Variants in ABCA12 observed in about 807,000 individuals in gnomAD.
The protein encoded by ABCA12 is ATP binding cassette subfamily A member 12.
A neutral mutation model predicts 293.5 loss-of-function variants in ABCA12; 156 were observed. That is an observed-to-expected ratio of 0.53 (90% CI 0.47 to 0.61). The LOEUF (loss-of-function observed/expected upper bound fraction) is 0.61, where lower values mean the gene tolerates loss of function less well. Among genes scored for constraint, ABCA12 ranks in the 20% least tolerant of loss-of-function variants. The pLI, the probability that ABCA12 is intolerant of heterozygous loss-of-function variation, is 0.00. For synonymous variants in ABCA12, 1,063 were observed against 1,108.0 expected (o/e 0.96, Z 0.81); for missense variants, 2,797 against 3,090.2 (o/e 0.91, Z 2.25).
intron 2 of ABCA12, among the ~76,000 whole-genome samples, chr2:215,108,595 A>G (rs908729800): frequency 6.6e-5 from 10 of 152,196 alleles, no homozygotes; most frequent in Non-Finnish European, 1.0e-4. Flanking sequence ...ACCTTACTAA[A>G]TATCTGGTAC....
intron 1 of ABCA12, among the ~76,000 whole-genome samples, chr2:215,135,087 C>T (rs1703195431): frequency 1.3e-5 from 2 of 152,138 alleles, no homozygotes; most frequent in Admixed American, 6.5e-5. Flanking sequence ...CTCAGCCTCC[C>T]AAGTAGCTGG....
At chr2:215,116,229 C>T (rs1161094089) in intron 1 of ABCA12, among the ~76,000 whole-genome samples, 1 of 151,972 alleles carries the variant, frequency 6.6e-6, no homozygotes, top group South Asian at 2.1e-4. Context: ...CATTGTGTAC[C>T]TTCTTTGTCC....
chr2:215,098,920 G>C (rs1362149645), intron 2 of ABCA12, among the ~76,000 whole-genome samples: 1 of 152,214 alleles, frequency 6.6e-6, no homozygotes, highest in Non-Finnish European at 1.5e-5. Context: ...GCTGAATATC[G>C]TAAGCACGTT....
intron 9 of ABCA12, among the ~76,000 whole-genome samples, chr2:215,028,549 T>A (rs1357673777): frequency 6.6e-6 from 1 of 152,226 alleles, no homozygotes; most frequent in Non-Finnish European, 1.5e-5. Flanking sequence ...TCATTATTTA[T>A]CAAAGCCTCC....
At chr2:215,056,759 C>A (rs1230167236) in intron 3 of ABCA12, among the ~76,000 whole-genome samples, 1 of 151,996 alleles carries the variant, frequency 6.6e-6, no homozygotes, top group Non-Finnish European at 1.5e-5. Flanking sequence ...CAGCTACTTT[C>A]CCCCCAAACA....
chr2:215,119,827 A>T (rs1702767114), intron 1 of ABCA12, among the ~76,000 whole-genome samples: 1 of 151,990 alleles, frequency 6.6e-6, no homozygotes, highest in Admixed American at 6.6e-5. Context: ...TGTTGATGGG[A>T]GTATAAGTTA....
At chr2:214,969,146 C>A (rs1699331690) in intron 37 of ABCA12, among the ~76,000 whole-genome samples, 1 of 151,824 alleles carries the variant, frequency 6.6e-6, no homozygotes. Flanking sequence ...CTCAAATATT[C>A]CTTTTAGGTA....
intron 2 of ABCA12, among the ~76,000 whole-genome samples, chr2:215,078,116 G>A (rs941777672): frequency 6.6e-6 from 1 of 152,100 alleles, no homozygotes; most frequent in Non-Finnish European, 1.5e-5. Flanking sequence ...CTCTCTTCTC[G>A]CATTTTTAAA....
intron 51 of ABCA12, among the ~76,000 whole-genome samples, chr2:214,935,071 T>A (rs1698176889): frequency 6.6e-6 from 1 of 152,158 alleles, no homozygotes; most frequent in East Asian, 1.9e-4. Flanking sequence ...CGCCAGTGCA[T>A]CAGATCATGA....
At chr2:215,031,796 T>C (rs770654340) in intron 9 of ABCA12, 25 bp downstream of exon 9, 1 of 1,613,586 alleles carries the variant, frequency 6.2e-7, no homozygotes, top group Admixed American at 1.7e-5. Context: ...GTTATCTACC[T>C]ATTTAGAAAT....
chr2:215,001,158 C>A, intron 21 of ABCA12, 138 bp from the exon 22 acceptor site: 1 of 864,670 alleles, frequency 1.2e-6, no homozygotes, highest in South Asian at 1.7e-5. Flanking sequence ...TCTTAATTTA[C>A]AGAAAACATG....
intron 2 of ABCA12, among the ~76,000 whole-genome samples, chr2:215,107,777 C>T (rs1702492767): frequency 6.6e-6 from 1 of 152,184 alleles, no homozygotes; most frequent in South Asian, 2.1e-4. Context: ...GCAGAATGTA[C>T]CCACAGTATT....
intron 32 of ABCA12, 131 bp downstream of exon 32, chr2:214,978,673 T>A: frequency 8.6e-7 from 1 of 1,158,130 alleles, no homozygotes; most frequent in Non-Finnish European, 1.3e-6. Context: ...AGAATAGTAC[T>A]GAAAAAATGT....
chr2:215,071,990 G>C (rs967804383), intron 2 of ABCA12, among the ~76,000 whole-genome samples: 3 of 152,164 alleles, frequency 2.0e-5, no homozygotes, highest in African/African-American at 7.2e-5. Context: ...TTCTCCCCAG[G>C]CAAGTCTTAC....
intron 1 of ABCA12, among the ~76,000 whole-genome samples, chr2:215,132,133 T>A (rs6735573): frequency 0.082 from 12,450 of 152,104 alleles, 1,176 homozygotes; most frequent in African/African-American, 0.23. Flanking sequence ...TTTGAATTTA[T>A]TGAGACTTCC....
chr2:215,130,440 C>T (rs564856519), intron 1 of ABCA12, among the ~76,000 whole-genome samples: 33 of 152,118 alleles, frequency 2.2e-4, no homozygotes, highest in African/African-American at 7.5e-4. Flanking sequence ...TTGTAGAGAT[C>T]TTTCACCTCC....
chr2:214,974,605 A>G (rs1699467379), intron 35 of ABCA12, among the ~76,000 whole-genome samples, 173 bp downstream of exon 35: 1 of 152,230 alleles, frequency 6.6e-6, no homozygotes, highest in African/African-American at 2.4e-5. Context: ...TTGGTATAGC[A>G]TAGGATAACT....
At chr2:215,015,168 AT>A (rs78457175) in intron 15 of ABCA12, among the ~76,000 whole-genome samples, 119,192 of 151,524 alleles carry the variant, frequency 0.79, 51,137 homozygotes, top group East Asian at 1. Flanking sequence ...TGTTAAAAAA[AT>A]AATAATTGCA....
rs1698859849 is a variant in ABCA12 at position 214,953,957 on chromosome 2, C to T, written c.6544G>A (p.Glu2182Lys). Residue 2182 changes from glutamate (E) to lysine (K), a missense_variant, in exon 44 of 53, where the codon GAG (glutamate) becomes AAG (lysine). By Grantham distance (56) the Glu-to-Lys change is moderately conservative. Around this residue, in one of 3 missense-constraint regions of ABCA12, gnomAD observed 2,130 missense variants for 2,427.0 expected, o/e 0.88. Transcript: ENST00000272895. ...AACATTGCACCTAGTTTATTCATCTCAAAGGTTTCATTTGGGTATTCCACT... is the reference window on the plus strand; with the variant it reads ...AACATTGCACCTAGTTTATTCATCTTAAAGGTTTCATTTGGGTATTCCACT... ...YGVEYPNETF[E>K]MNKLGAMFVA... 1 of 1,614,074 alleles carries T rather than the reference C, an allele frequency of 6.2e-7. No homozygotes were observed. The highest frequency in any genetic ancestry group is 1.1e-5 in the South Asian group (1 of 91,080).
Sources: allele counts gnomAD v4.1 joint callset (sites outside exome capture counted in the v4.1 genomes callset), GRCh38; gene constraint gnomAD v4.1.1; regional missense constraint gnomAD v4.1.1; transcripts MANE v1.5; gene names NCBI Gene and HGNC (gene_info 2026-07-23, HGNC 2026-07-21).